MRPL13: variants seen among roughly 807,000 people sequenced by gnomAD.
The protein encoded by MRPL13 is mitochondrial ribosomal protein L13.
A neutral mutation model predicts 29.0 loss-of-function variants in MRPL13; 33 were observed. The ratio of observed to expected loss-of-function variants is 1.14; its 90% confidence interval spans 0.86 to 1.52. The LOEUF (loss-of-function observed/expected upper bound fraction) is 1.52. MRPL13 is among the 40% of genes most tolerant of loss of function. The pLI is 0.00. For missense variants in MRPL13, 227 were observed against 216.7 expected (o/e 1.05, Z -0.30); for synonymous variants, 77 against 68.4 (o/e 1.13, Z -0.62).
chr8:120,417,058 T>C (rs1166879234), intron 5 of MRPL13, among the ~76,000 whole-genome samples: 3 of 152,234 alleles, frequency 2.0e-5, no homozygotes, highest in African/African-American at 7.2e-5. Context: ...GCCTTTTCTT[T>C]AATATTTCAA....
chr8:120,443,461 A>C (rs550682790), intron 1 of MRPL13, among the ~76,000 whole-genome samples, 153 bp from the exon 2 acceptor site: 3 of 152,222 alleles, frequency 2.0e-5, no homozygotes, highest in Admixed American at 6.5e-5. Context: ...TTGCTAAAGA[A>C]TTTTTGTTTT....
chr8:120,408,312 C>T (rs984659356), intron 6 of MRPL13, among the ~76,000 whole-genome samples: 1 of 152,300 alleles, frequency 6.6e-6, no homozygotes, highest in East Asian at 1.9e-4. Context: ...CATTCAACTG[C>T]ACTTTTTTAG....
At chr8:120,416,432 T>C (rs1294711783) in intron 5 of MRPL13, among the ~76,000 whole-genome samples, 2 of 152,184 alleles carry the variant, frequency 1.3e-5, no homozygotes, top group Admixed American at 6.5e-5. Flanking sequence ...AGGCGGAGCT[T>C]GCAGTGAGCC....
At chr8:120,413,893 G>A in intron 6 of MRPL13, 98 bp downstream of exon 6, 1 of 1,343,906 alleles carries the variant, frequency 7.4e-7, no homozygotes, top group Non-Finnish European at 9.6e-7. Flanking sequence ...AAAAAAATGA[G>A]TTCACTCTTC....
At chr8:120,424,779 AAATAAAT>A (rs1183330181) in intron 4 of MRPL13, among the ~76,000 whole-genome samples, 1 of 152,066 alleles carries the variant, frequency 6.6e-6, no homozygotes, top group Non-Finnish European at 1.5e-5. Context: ...AAAAATAAAT[AAATAAAT>A]AATAAAATAA....
At chr8:120,435,217 T>C (rs1383318318) in intron 2 of MRPL13, among the ~76,000 whole-genome samples, 1 of 152,188 alleles carries the variant, frequency 6.6e-6, no homozygotes, top group African/African-American at 2.4e-5. Context: ...CCTCTATTTT[T>C]TTAAACTTTT....
chr8:120,417,751 A>G (rs907051041), intron 5 of MRPL13, among the ~76,000 whole-genome samples: 8 of 152,064 alleles, frequency 5.3e-5, no homozygotes. Context: ...ACTATTATAA[A>G]TCATGCAGAA....
chr8:120,441,239 T>C (rs1196075566), intron 2 of MRPL13, among the ~76,000 whole-genome samples: 1 of 152,126 alleles, frequency 6.6e-6, no homozygotes, highest in Non-Finnish European at 1.5e-5. Context: ...AGACAACAGA[T>C]GAATTTGCTT....
chr8:120,398,935 A>AC (rs1812554712), intron 6 of MRPL13, among the ~76,000 whole-genome samples: 1 of 151,982 alleles, frequency 6.6e-6, no homozygotes, highest in Non-Finnish European at 1.5e-5. Context: ...ACACACACAC[A>AC]AACACACACA....
In MRPL13 at chr8:120,419,886, G is replaced by A; in HGVS notation, c.359C>T (p.Thr120Ile). 1.9e-6 allele frequency: 3 copies of A among 1,593,716 alleles called. No homozygotes were observed. Among genetic ancestry groups the A allele is most frequent in the Non-Finnish European group, 2.6e-6 (3 of 1,170,208 alleles). The change falls in exon 5 of 7, where the codon ACA becomes ATA. Residue 120 changes from threonine to isoleucine, a missense_variant. Physicochemically the swap from Thr to Ile is moderately conservative, Grantham distance 89. Coordinates refer to ENST00000306185, the MANE Select transcript of MRPL13 (RefSeq NM_014078.6). ...GMLPKNLHRR[T>I]MMERLHLFPD... ...AAAAAGATGCAACCTTTCCATCATT[G>A]TTCTTCTGTGAAGGTTTTTTGGCAG...
At chr8:120,424,909 C>T (rs961966514) in intron 4 of MRPL13, among the ~76,000 whole-genome samples, 1 of 151,982 alleles carries the variant, frequency 6.6e-6, no homozygotes, top group Non-Finnish European at 1.5e-5. Context: ...AAAATAAACT[C>T]AGATAATACT....
At chr8:120,398,361 T>G (rs1007863410) in intron 6 of MRPL13, among the ~76,000 whole-genome samples, 1 of 152,034 alleles carries the variant, frequency 6.6e-6, no homozygotes. Context: ...CTGAAACAAC[T>G]AGGGTCTGGA....
At chr8:120,406,554 CATGTGTGT>C (rs1008213837) in intron 6 of MRPL13, among the ~76,000 whole-genome samples, 2 of 62,648 alleles carry the variant, frequency 3.2e-5, no homozygotes, top group Non-Finnish European at 6.4e-5. Flanking sequence ...TATATGTGTG[CATGTGTGT>C]GTGTGTGTGT....
intron 5 of MRPL13, among the ~76,000 whole-genome samples, chr8:120,419,114 T>C (rs1586922462): frequency 6.6e-6 from 1 of 152,094 alleles, no homozygotes; most frequent in African/African-American, 2.4e-5. Context: ...TACAAGTGTA[T>C]TTTATTTAAT....
chr8:120,418,978 C>T (rs958372846), intron 5 of MRPL13, among the ~76,000 whole-genome samples: 7 of 151,932 alleles, frequency 4.6e-5, no homozygotes, highest in East Asian at 1.9e-4. Flanking sequence ...CTTGAAAAAT[C>T]GTTATAACTT....
chr8:120,424,627 G>T (rs536668155), intron 4 of MRPL13, among the ~76,000 whole-genome samples: 39 of 152,026 alleles, frequency 2.6e-4, no homozygotes, highest in African/African-American at 8.4e-4. Flanking sequence ...TTAGCAGGGT[G>T]TGGTGGTGTG....
At chr8:120,440,811 T>A (rs943491650) in intron 2 of MRPL13, among the ~76,000 whole-genome samples, 68 of 151,900 alleles carry the variant, frequency 4.5e-4, no homozygotes, top group African/African-American at 1.6e-3. Flanking sequence ...GAAATTTCAT[T>A]TGGAAAAGAT....
chr8:120,405,037 T>A (rs1156952670), intron 6 of MRPL13, among the ~76,000 whole-genome samples: 1 of 152,160 alleles, frequency 6.6e-6, no homozygotes, highest in Non-Finnish European at 1.5e-5. Context: ...TGCAAATTCA[T>A]CTTTAAATAA....
chr8:120,419,827 T>C (rs978153521), intron 5 of MRPL13, 25 bp downstream of exon 5: 13 of 1,546,592 alleles, frequency 8.4e-6, no homozygotes, highest in East Asian at 2.3e-5. Context: ...TGGAAAAGCA[T>C]TGTTACCAAT....
Sources: allele counts gnomAD v4.1 joint callset (sites outside exome capture counted in the v4.1 genomes callset), GRCh38; gene constraint gnomAD v4.1.1; transcripts MANE v1.5; gene names NCBI Gene and HGNC (gene_info 2026-07-23, HGNC 2026-07-21).